Variants in RBFOX1 observed in about 807,000 individuals in gnomAD.
RBFOX1 encodes the protein RNA binding protein fox-1 homolog 1.
A neutral mutation model predicts 57.7 loss-of-function variants in RBFOX1; 8 were observed. The ratio of observed to expected loss-of-function variants is 0.14; its 90% confidence interval spans 0.08 to 0.25. RBFOX1 has a LOEUF of 0.25. Among genes scored for constraint, RBFOX1 ranks in the 10% least tolerant of loss-of-function variants. The pLI, the probability that RBFOX1 is intolerant of heterozygous loss-of-function variation, is 1.00. For synonymous variants in RBFOX1, 326 were observed against 222.4 expected, an observed-to-expected ratio of 1.47 and a Z score of -4.15; for missense variants, 611 against 548.5, an observed-to-expected ratio of 1.11 and a Z score of -1.14.
chr16:5,866,050 C>G (rs111974613), intron 3 of RBFOX1, among the ~76,000 whole-genome samples: 3,680 of 152,240 alleles, frequency 0.024, 176 homozygotes, highest in African/African-American at 0.084. Context: ...TCAATGCAAC[C>G]TCTGCCTCCG....
At chr16:6,246,009 C>G (rs941394414) in intron 1 of RBFOX1, among the ~76,000 whole-genome samples, 3 of 152,164 alleles carry the variant, frequency 2.0e-5, no homozygotes, top group Non-Finnish European at 4.4e-5. Context: ...ACTTCAATGT[C>G]CCAGCTTTCT....
At chr16:6,041,082 A>G (rs2095431356) in intron 1 of RBFOX1, among the ~76,000 whole-genome samples, 1 of 152,184 alleles carries the variant, frequency 6.6e-6, no homozygotes, top group South Asian at 2.1e-4. Flanking sequence ...TCCCTGCTGT[A>G]AAAGTCTCCT....
chr16:5,512,410 CTCTCTCTT>C (rs2043627048), intron 2 of RBFOX1, among the ~76,000 whole-genome samples: 2 of 111,634 alleles, frequency 1.8e-5, no homozygotes, highest in Non-Finnish European at 3.5e-5. Flanking sequence ...CCTCCTACTC[CTCTCTCTT>C]TCTCTCTCTC....
intron 3 of RBFOX1, among the ~76,000 whole-genome samples, chr16:6,930,425 G>A (rs1374214044): frequency 6.6e-6 from 1 of 152,008 alleles, no homozygotes; most frequent in Non-Finnish European, 1.5e-5. Flanking sequence ...TGTTGTTATT[G>A]TTGAGAAACA....
At chr16:6,809,415 A>T (rs1012530221) in intron 3 of RBFOX1, among the ~76,000 whole-genome samples, 10 of 152,322 alleles carry the variant, frequency 6.6e-5, no homozygotes, top group Non-Finnish European at 1.3e-4. Context: ...ATTTTTTAAA[A>T]TTTTTGTGGA....
At chr16:5,740,670 G>C (rs995910164) in intron 3 of RBFOX1, among the ~76,000 whole-genome samples, 12 of 152,098 alleles carry the variant, frequency 7.9e-5, no homozygotes, top group African/African-American at 2.7e-4. Flanking sequence ...GTTTTTCTTG[G>C]TCTCTTGACT....
intron 4 of RBFOX1, among the ~76,000 whole-genome samples, chr16:7,308,907 C>T (rs1568139568): frequency 6.6e-6 from 1 of 152,190 alleles, no homozygotes; most frequent in African/African-American, 2.4e-5. Flanking sequence ...TGTGTTACTC[C>T]ATCTGATGAT....
chr16:5,768,343 T>C (rs1013718416), intron 3 of RBFOX1, among the ~76,000 whole-genome samples: 3 of 152,192 alleles, frequency 2.0e-5, no homozygotes, highest in African/African-American at 4.8e-5. Flanking sequence ...AAAAGGCTGC[T>C]GAAATGTTAG....
chr16:6,912,428 C>G (rs1010364442), intron 3 of RBFOX1, among the ~76,000 whole-genome samples: 2 of 152,054 alleles, frequency 1.3e-5, no homozygotes, highest in East Asian at 1.9e-4. Flanking sequence ...GGTGTCTGTT[C>G]TCTGTGAGTA....
At chr16:7,147,708 C>G (rs750040774) in intron 4 of RBFOX1, among the ~76,000 whole-genome samples, 8 of 152,020 alleles carry the variant, frequency 5.3e-5, no homozygotes, top group Non-Finnish European at 1.2e-4. Context: ...TTTTCTTTAT[C>G]CTATCTGCCA....
intron 2 of RBFOX1, among the ~76,000 whole-genome samples, chr16:6,644,863 T>G (rs1019834986): frequency 6.6e-6 from 1 of 152,182 alleles, no homozygotes; most frequent in African/African-American, 2.4e-5. Flanking sequence ...TTTTCAGTAT[T>G]AAGTAGCCAA....
chr16:6,235,376 G>C (rs531533816), intron 1 of RBFOX1, among the ~76,000 whole-genome samples: 1 of 152,220 alleles, frequency 6.6e-6, no homozygotes, highest in South Asian at 2.1e-4. Flanking sequence ...AGCCCCAGCT[G>C]TCTGTCTGTC....
At chr16:7,253,446 G>C (rs967199978) in intron 4 of RBFOX1, among the ~76,000 whole-genome samples, 1 of 152,222 alleles carries the variant, frequency 6.6e-6, no homozygotes, top group South Asian at 2.1e-4. Flanking sequence ...GGTAAAGTCT[G>C]AGTTCCCAAC....
At chr16:5,917,528 G>T (rs1017805499) in intron 4 of RBFOX1, among the ~76,000 whole-genome samples, 3 of 152,180 alleles carry the variant, frequency 2.0e-5, no homozygotes, top group Non-Finnish European at 4.4e-5. Context: ...TTCCCAGGTT[G>T]TTCTGACACC....
At chr16:6,666,548 A>G (rs2098734138) in intron 3 of RBFOX1, among the ~76,000 whole-genome samples, 1 of 149,628 alleles carries the variant, frequency 6.7e-6, no homozygotes, top group South Asian at 2.1e-4. Flanking sequence ...TCCAAAAAAA[A>G]AAAAAAAAAA....
intron 2 of RBFOX1, among the ~76,000 whole-genome samples, chr16:5,598,223 C>CA (rs58453473): frequency 0.19 from 26,751 of 138,608 alleles, 2,737 homozygotes; most frequent in Non-Finnish European, 0.24. Context: ...GACTCTGTCT[C>CA]AAAAAAAAAA....
At chr16:7,638,410 T>C (rs1365048810) in intron 11 of RBFOX1, among the ~76,000 whole-genome samples, 1 of 73,452 alleles carries the variant, frequency 1.4e-5, no homozygotes, top group Non-Finnish European at 2.9e-5. Context: ...CCTTCTTCAC[T>C]ACTCTCTCAA....
chr16:5,296,911 C>G lies in RBFOX1; in HGVS notation c.219+56806C>G, dbSNP rs137883660. ...TCAGGCTGGTCTCGAACTCCTACCT[C>G]ATGATCCTCCTGCCTCGACCTCCCA... On this transcript the variant is annotated intron_variant, in intron 1 of 2. Transcript: ENST00000585867. 1.1e-3 allele frequency among the ~76,000 whole-genome samples: 172 copies of G among 152,128 alleles called. 2 individuals carry two copies. In the Middle Eastern group the frequency reaches 0.014, roughly 12 times the overall value.
At chr16:7,004,324 G>T (rs1039125317) in intron 3 of RBFOX1, among the ~76,000 whole-genome samples, 1 of 152,096 alleles carries the variant, frequency 6.6e-6, no homozygotes, top group Non-Finnish European at 1.5e-5. Context: ...GGTTATATTT[G>T]TGTATTAAAC....
Sources: allele counts gnomAD v4.1 joint callset (sites outside exome capture counted in the v4.1 genomes callset), GRCh38; gene constraint gnomAD v4.1.1; transcripts MANE v1.5; gene names NCBI Gene and HGNC (gene_info 2026-07-23, HGNC 2026-07-21).